Variants in CTSB observed in about 807,000 individuals in gnomAD.
CTSB encodes APP secretase.
Under a neutral mutation model 44.3 loss-of-function variants are expected in CTSB, and 57 were observed. The ratio of observed to expected loss-of-function variants is 1.29; its 90% CI spans 1.04 to 1.60. The LOEUF (loss-of-function observed/expected upper bound fraction) is 1.60, where lower values mean the gene tolerates loss of function less well. CTSB is among the 40% of genes most tolerant of loss of function. CTSB has a pLI of 0.00. For synonymous variants in CTSB, 320 were observed against 168.0 expected (o/e 1.91, Z -7.00); for missense variants, 768 against 443.0 (o/e 1.73, Z -6.59).
In CTSB at chr8:11,849,122, G is replaced by C; in HGVS notation, c.370C>G (p.His124Asp). The change falls in exon 5 of 10, where the codon CAC (histidine) becomes GAC (aspartate). Residue 124 changes from histidine (H) to aspartate (D), a missense_variant. Coordinates refer to ENST00000353047, the MANE Select transcript of CTSB (RefSeq NM_001908.5). ...TCCACGCTGACGTGCGCATTGGTGT[G>C]GATGCAGATCCGGTCAGAGATGGCT... is the stretch of plus-strand genomic sequence containing the variant. Reference protein sequence around the residue: ...VEAISDRICIHTNAHVSVEVS... With the variant: ...VEAISDRICIDTNAHVSVEVS... The C allele has an allele frequency of 6.2e-7, 1 of 1,613,496 alleles. No homozygotes were observed. Among genetic ancestry groups the C allele is most frequent in the Non-Finnish European group, 8.5e-7 (1 of 1,179,872 alleles).
In CTSB at chr8:11,847,083, A is replaced by G. The variant is rs368421624; in HGVS notation, c.762T>C (p.Ser254=). Residue 254 remains serine (S), a synonymous_variant, in exon 8 of 10, where the codon TCT becomes TCC. Transcript: ENST00000353047. The part of the protein sequence containing the change: ...YKNGPVEGAF[S]VYSDFLLYKS... ...TGTAGAGCAGGAAGTCCGAATACAC[A>G]GAGAAAGCTCCCTCCACGGGGCCGT... is the stretch of plus-strand genomic sequence containing the variant. 60 of 1,612,230 alleles carry G rather than the reference A, an allele frequency of 3.7e-5. No individual in the cohort carries two copies. Among genetic ancestry groups the G allele is most frequent in the Non-Finnish European group, 5.1e-5 (60 of 1,178,418 alleles).
At chr8:11,845,951 G>GAATT (rs1813243490) in intron 8 of CTSB, among the ~76,000 whole-genome samples, 162 bp from the exon 9 acceptor site, 1 of 152,282 alleles carries the variant, frequency 6.6e-6, no homozygotes, top group East Asian at 1.9e-4. Flanking sequence ...CAATACTGGG[G>GAATT]AATTAAATAT....
intron 1 of CTSB, chr8:11,857,872 G>C (rs1024542962): frequency 2.6e-5 from 4 of 152,424 alleles, no homozygotes; most frequent in African/African-American, 9.7e-5. Flanking sequence ...GCCCAGGGCT[G>C]TGGTGTTCCT....
At chr8:11,866,897 T>C (rs1256943291) in intron 1 of CTSB, among the ~76,000 whole-genome samples, 1 of 152,076 alleles carries the variant, frequency 6.6e-6, no homozygotes, top group Non-Finnish European at 1.5e-5. Flanking sequence ...AACGTTTGGA[T>C]TCAAAGAGAG....
At chr8:11,856,512 C>T (rs2150424651) in intron 1 of CTSB, among the ~76,000 whole-genome samples, 1 of 152,178 alleles carries the variant, frequency 6.6e-6, no homozygotes, top group Non-Finnish European at 1.5e-5. Flanking sequence ...ACTTGGGAGG[C>T]TGAGGCAGTA....
chr8:11,847,920 G>C lies in CTSB; in HGVS notation c.533-98C>G, dbSNP rs1813747308. 5.5e-6 allele frequency: 8 copies of C among 1,442,588 alleles called. No homozygotes were observed. In the East Asian group the frequency reaches 1.4e-4, roughly 25 times the overall value. 89.4% of individuals were successfully genotyped at this position (1,442,588 alleles called of 1,614,324 possible). ...GTGCCTGCAGCATGGACGCCAGGCA[G>C]GTCCTGCCAGAGGCCTGTGCACCTG... On this transcript the variant is annotated intron_variant, in intron 6 of 9. Transcript: ENST00000353047.
Position 11,843,164 on chromosome 8 carries a change from G to C in CTSB, c.*1961C>G, listed in dbSNP as rs557034410. On this transcript the variant is annotated 3_prime_UTR_variant, in exon 10 of 10. Transcript: ENST00000353047. ...AGGTTTCAGCATGTTGGCCAGGCTG[G>C]TCTTGAACTCCTGACCTTGTCATCC... is the stretch of plus-strand genomic sequence containing the variant. The C allele has an allele frequency of 1.3e-5, 2 of 151,378 alleles. No homozygotes were observed. The highest frequency in any genetic ancestry group is 2.4e-5 in the African/African-American group (1 of 41,108). The allele number at this position is 151,378 out of a possible 1,614,324, so 9.4% of individuals were successfully genotyped here. A position where few individuals can be genotyped will look rare whatever the true frequency, so the allele number is the denominator to read the frequency against.
chr8:11,866,577 G>A (rs929535690), intron 1 of CTSB, among the ~76,000 whole-genome samples: 9 of 152,228 alleles, frequency 5.9e-5, no homozygotes, highest in Admixed American at 5.2e-4. Context: ...CAGCACCAGA[G>A]CCAACAAGAA....
intron 5 of CTSB, 80 bp from the exon 6 acceptor site, chr8:11,848,232 C>T (rs777063496): frequency 3.4e-5 from 44 of 1,311,180 alleles, no homozygotes; most frequent in East Asian, 4.6e-5. Flanking sequence ...CCCAAGTGCC[C>T]GAGGCCACTC....
At chr8:11,853,153 G>C (rs1814906725) in intron 2 of CTSB, among the ~76,000 whole-genome samples, 176 bp downstream of exon 2, 1 of 151,976 alleles carries the variant, frequency 6.6e-6, no homozygotes, top group African/African-American at 2.4e-5. Context: ...GTGGGGTATG[G>C]GACAAAGGAG....
intron 7 of CTSB, among the ~76,000 whole-genome samples, 199 bp downstream of exon 7, chr8:11,847,480 G>C (rs1262615665): frequency 6.6e-6 from 1 of 152,204 alleles, no homozygotes; most frequent in African/African-American, 2.4e-5. Context: ...GAAGGGCTGA[G>C]GCTGAGTTCA....
At chr8:11,847,303 G>GC in intron 7 of CTSB, 135 bp from the exon 8 acceptor site, 1 of 672,946 alleles carries the variant, frequency 1.5e-6, no homozygotes, top group Non-Finnish European at 2.7e-6. Context: ...TGCCAGGGGA[G>GC]CTCAAGGAAG....
At chr8:11,850,834 C>T in intron 4 of CTSB, 32 bp downstream of exon 4, 1 of 1,528,770 alleles carries the variant, frequency 6.5e-7, no homozygotes, top group Non-Finnish European at 9.0e-7. Context: ...ACTTTCTCTC[C>T]AGCGCTTCCC....
In CTSB at chr8:11,843,152, T is replaced by TTGGCCAGGC. The variant is rs1443074980; in HGVS notation, c.*1964_*1972dup. 2.0e-5 allele frequency: 3 copies of TTGGCCAGGC among 151,728 alleles called. No individual in the cohort carries two copies. Among genetic ancestry groups the TTGGCCAGGC allele is most frequent in the African/African-American group, 7.3e-5 (3 of 41,182 alleles). The allele number at this position is 151,728 out of a possible 1,614,324, so 9.4% of individuals were successfully genotyped here. A position where few individuals can be genotyped will look rare whatever the true frequency, so the allele number is the denominator to read the frequency against. On this transcript the variant is annotated 3_prime_UTR_variant, in exon 10 of 10. Coordinates refer to ENST00000353047, the MANE Select transcript of CTSB (RefSeq NM_001908.5). ...TTAGTAGAGGTGAGGTTTCAGCATG[T>TTGGCCAGGC]TGGCCAGGCTGGTCTTGAACTCCTG...
chr8:11,863,201 C>T (rs1320822394), intron 1 of CTSB, among the ~76,000 whole-genome samples: 1 of 152,096 alleles, frequency 6.6e-6, no homozygotes, highest in Non-Finnish European at 1.5e-5. Context: ...TGGCTCAGGC[C>T]TGTAATCTCA....
At chr8:11,865,199 A>T (rs968269535) in intron 1 of CTSB, among the ~76,000 whole-genome samples, 1 of 152,128 alleles carries the variant, frequency 6.6e-6, no homozygotes, top group Admixed American at 6.6e-5. Flanking sequence ...TGCCCAGTAA[A>T]TATCACTCAA....
chr8:11,856,178 T>C (rs1267957529), intron 1 of CTSB, among the ~76,000 whole-genome samples: 1 of 151,932 alleles, frequency 6.6e-6, no homozygotes, highest in Non-Finnish European at 1.5e-5. Flanking sequence ...GGCATGATAA[T>C]GAGTGCCTGG....
chr8:11,858,438 G>T (rs902672292), intron 1 of CTSB, among the ~76,000 whole-genome samples: 2 of 152,104 alleles, frequency 1.3e-5, no homozygotes, highest in Non-Finnish European at 2.9e-5. Context: ...GGGACTACAG[G>T]CATACACCAC....
At chr8:11,845,270 A>G (rs1813057033) in intron 9 of CTSB, 48 bp from the exon 10 acceptor site, 1 of 1,410,844 alleles carries the variant, frequency 7.1e-7, no homozygotes, top group African/African-American at 1.4e-5. Context: ...AGGGTCAACC[A>G]ATATAGTCAG....
Sources: gnomAD v4.1 joint callset for allele counts (sites outside exome capture counted in the v4.1 genomes callset) on GRCh38, gnomAD v4.1.1 for gene constraint, MANE v1.5 for transcripts, NCBI Gene and HGNC (gene_info 2026-07-23, HGNC 2026-07-21) for gene names.